The following MYO1C variants were observed in gnomAD, a reference collection of about 807,000 sequenced individuals.
MYO1C encodes the protein unconventional myosin-Ic.
Under a neutral mutation model 150.8 loss-of-function variants are expected in MYO1C, and 104 were observed. That is an observed-to-expected ratio of 0.69 (90% confidence interval 0.59 to 0.81). The LOEUF (loss-of-function observed/expected upper bound fraction) is 0.81, where lower values mean the gene tolerates loss of function less well. Ranked by LOEUF, MYO1C falls within the 30% of genes least tolerant of loss-of-function variation. The probability of loss-of-function intolerance (pLI) is 0.00; values close to 1 mark genes in which losing one functional copy is unlikely to be tolerated. For missense variants in MYO1C, 1,504 were observed against 1,435.0 expected, an observed-to-expected ratio of 1.05 and a Z score of -0.78; for synonymous variants, 663 against 579.9, an observed-to-expected ratio of 1.14 and a Z score of -2.06.
Position 1,478,858 on chromosome 17 carries a change from A to T in MYO1C, c.1093-123T>A. The T allele has an allele frequency of 6.8e-7, 1 of 1,480,256 alleles. No individual in the cohort carries two copies. Among genetic ancestry groups the T allele is most frequent in the Non-Finnish European group, 9.2e-7 (1 of 1,089,460 alleles). The allele number at this position is 1,480,256 out of a possible 1,614,324, so 91.7% of individuals were successfully genotyped here. ...GCACTCCCAGCTCCAGCAAGCCTGCAGTATGGGGAGGGGTGCTGGTAGTGG... is the reference window on the plus strand; with the variant it reads ...GCACTCCCAGCTCCAGCAAGCCTGCTGTATGGGGAGGGGTGCTGGTAGTGG... On this transcript the variant is annotated intron_variant, in intron 9 of 31. Transcript: ENST00000648651. This position sits in a 1 kb window ranked among gnomAD's most constrained non-coding sequence, Gnocchi z 6.3.
chr17:1,482,780 T>TA, intron 4 of MYO1C, 81 bp downstream of exon 4: 1 of 176,024 alleles, frequency 5.7e-6, no homozygotes, highest in East Asian at 9.8e-5. Flanking sequence ...CTTCTCTCCC[T>TA]GCCCTCCCCT....
chr17:1,488,334 G>A (rs930198711), intron 1 of MYO1C, among the ~76,000 whole-genome samples: 2 of 152,172 alleles, frequency 1.3e-5, no homozygotes, highest in African/African-American at 2.4e-5. Context: ...GCCCCAGGGC[G>A]GCTCCAGCAC....
intron 3 of MYO1C, among the ~76,000 whole-genome samples, chr17:1,483,370 G>T (rs1189604945): frequency 6.6e-6 from 1 of 151,894 alleles, no homozygotes; most frequent in African/African-American, 2.4e-5. Context: ...CACTAAGATT[G>T]GGGGGCCACT....
chr17:1,488,431 G>A (rs112594073), intron 1 of MYO1C, among the ~76,000 whole-genome samples: 2,197 of 152,332 alleles, frequency 0.014, 58 homozygotes, highest in African/African-American at 0.05. Flanking sequence ...TGGGAAAGAC[G>A]CCGCGGCTGA....
At position 1,474,934 on chromosome 17, in the gene MYO1C, T is replaced by G. The variant is rs2074374496; in HGVS notation, c.1669+4A>C. The stretch of plus-strand genomic sequence containing the variant: ...CTGTGGGGACACAGCCCCAGGATCC[T>G]CACCGGTCACGCTGTAGGTCACCTC... On this transcript the variant is annotated splice_donor_region_variant and intron_variant, in intron 15 of 31. Coordinates refer to ENST00000648651, the MANE Select transcript of MYO1C (RefSeq NM_001080779.2). 6.2e-7 allele frequency: 1 copy of G among 1,602,572 alleles called. No homozygotes were observed. Among genetic ancestry groups the G allele is most frequent in the Admixed American group, 1.7e-5 (1 of 58,028 alleles).
rs1317717885 is a variant in MYO1C at position 1,464,265 on chromosome 17, CAT to C, written c.*1459_*1460del. 1 of 152,722 alleles carries C rather than the reference CAT, an allele frequency of 6.5e-6. No homozygotes were observed. Among genetic ancestry groups the C allele is most frequent in the Non-Finnish European group, 1.5e-5 (1 of 68,116 alleles). The allele number at this position is 152,722 out of a possible 1,614,324, so 9.5% of individuals were successfully genotyped here. A position where few individuals can be genotyped will look rare whatever the true frequency, so the allele number is the denominator to read the frequency against. On this transcript the variant is annotated 3_prime_UTR_variant, in exon 32 of 32. Coordinates refer to ENST00000648651, the MANE Select transcript of MYO1C (RefSeq NM_001080779.2). ...CAGTGGGCTGAGACCCCCAGAAGGG[CAT>C]AGAGGCAGCTGGGCAGCCCCCAGGC...
intron 14 of MYO1C, among the ~76,000 whole-genome samples, 167 bp from the exon 15 acceptor site, chr17:1,475,199 T>G (rs2074380162): frequency 6.6e-6 from 1 of 152,014 alleles, no homozygotes; most frequent in African/African-American, 2.4e-5. Context: ...GGTGGGTAGA[T>G]CACAAAGTCA....
At chr17:1,487,899 C>T (rs923279185) in intron 1 of MYO1C, among the ~76,000 whole-genome samples, 101 of 152,300 alleles carry the variant, frequency 6.6e-4, no homozygotes, top group African/African-American at 2.3e-3. Flanking sequence ...CCAGCCTGGG[C>T]GACAGAGCGA....
chr17:1,476,203 G>C (rs2074400455), intron 14 of MYO1C, among the ~76,000 whole-genome samples: 2 of 151,022 alleles, frequency 1.3e-5, no homozygotes, highest in Non-Finnish European at 2.9e-5. Context: ...TTTTGAGACG[G>C]AGTCTCACTC....
chr17:1,467,472 C>T lies in MYO1C; in HGVS notation c.3065+8G>A, dbSNP rs751302564. 63 of 1,612,430 alleles carry T rather than the reference C, an allele frequency of 3.9e-5. No homozygotes were observed. Among genetic ancestry groups the T allele is most frequent in the Middle Eastern group, 3.3e-4 (2 of 6,080 alleles). ...CCGCCCTGTCCCCGGGGGCCGCCCG[C>T]GCCTCACCTGCCCTGGTTGATGTTG... is the stretch of plus-strand genomic sequence containing the variant. On this transcript the variant is annotated splice_region_variant and intron_variant, in intron 30 of 31. Coordinates refer to ENST00000648651, the MANE Select transcript of MYO1C (RefSeq NM_001080779.2).
chr17:1,485,051 C>T, intron 1 of MYO1C: 1 of 1,192,514 alleles, frequency 8.4e-7, no homozygotes, highest in Non-Finnish European at 1.1e-6. Context: ...TCCCTTTCCT[C>T]CAGCTGCTGG....
rs2074200860 is a variant in MYO1C, at chr17:1,467,557, A to G, written c.2988T>C (p.Ser996=). The G allele has an allele frequency of 1.9e-6, 3 of 1,612,952 alleles. No individual in the cohort carries two copies. Among genetic ancestry groups the G allele is most frequent in the Admixed American group, 1.7e-5 (1 of 59,950 alleles). Residue 996 remains serine (S), a synonymous_variant, in exon 30 of 32, where the codon AGT becomes AGC. Coordinates refer to ENST00000648651, the MANE Select transcript of MYO1C (RefSeq NM_001080779.2). The stretch of plus-strand genomic sequence containing the variant: ...TGGTCAGCGTCTCAATCACGTGGTC[A>G]CTCTGCAGCACCACATCTCCCTGGG... ...NKQKGDVVLQ[S]DHVIETLTKT... is the part of the protein sequence containing the mutation.
intron 14 of MYO1C, 109 bp downstream of exon 14, chr17:1,477,396 T>A: frequency 4.0e-6 from 4 of 1,008,760 alleles, no homozygotes; most frequent in Non-Finnish European, 6.2e-6. Context: ...GCACCGTCCC[T>A]GGTCACCTCC....
chr17:1,472,046 G>T (rs2074314625), intron 18 of MYO1C, 22 bp from the exon 19 acceptor site: 2 of 1,613,048 alleles, frequency 1.2e-6, no homozygotes, highest in Admixed American at 1.7e-5. Context: ...GGAGCGCCGT[G>T]GTCAGCGGGC....
intron 5 of MYO1C, among the ~76,000 whole-genome samples, chr17:1,482,161 C>G (rs896680648): frequency 6.6e-6 from 1 of 152,132 alleles, no homozygotes. Context: ...ATCCTCCTGC[C>G]TCAGCCTCCA....
chr17:1,473,592 T>C (rs1479515591), intron 17 of MYO1C, among the ~76,000 whole-genome samples: 1 of 152,050 alleles, frequency 6.6e-6, no homozygotes, highest in Non-Finnish European at 1.5e-5. Flanking sequence ...CTCACTCTTC[T>C]GGGGCTCCCC....
At chr17:1,482,430 G>T in intron 5 of MYO1C, 48 bp downstream of exon 5, 4 of 1,533,554 alleles carry the variant, frequency 2.6e-6, no homozygotes, top group Non-Finnish European at 3.6e-6. Context: ...CTTCACACGT[G>T]TAGAGCCTAC....
intron 1 of MYO1C, 28 bp from the exon 2 acceptor site, chr17:1,484,331 T>C: frequency 6.2e-7 from 1 of 1,605,070 alleles, no homozygotes; most frequent in Non-Finnish European, 8.5e-7. Flanking sequence ...CAGAAGAGGG[T>C]CAGAGTCATC....
At chr17:1,469,396 A>AGCGGGG (rs1314633518) in intron 25 of MYO1C, 135 bp downstream of exon 25, 1 of 837,998 alleles carries the variant, frequency 1.2e-6, no homozygotes, top group Non-Finnish European at 1.9e-6. Flanking sequence ...AATACGGTAG[A>AGCGGGG]TCGGGGTAAA....
Sources: gnomAD v4.1 joint callset for allele counts (sites outside exome capture counted in the v4.1 genomes callset) on GRCh38, gnomAD v4.1.1 for gene constraint, Gnocchi (gnomAD v3.1) non-coding constraint, MANE v1.5 for transcripts, NCBI Gene and HGNC (gene_info 2026-07-23, HGNC 2026-07-21) for gene names.